The following ZNF503 variants were observed in gnomAD, a reference collection of about 807,000 sequenced individuals.
ZNF503 encodes zinc finger protein 503.
A neutral mutation model predicts 34.4 loss-of-function variants in ZNF503; 15 were observed. That is an observed-to-expected ratio of 0.44 (90% confidence interval 0.29 to 0.67). ZNF503 has a LOEUF of 0.67. ZNF503 is among the 30% of genes least tolerant of loss of function. The pLI, the probability that ZNF503 is intolerant of heterozygous loss-of-function variation, is 0.13. For synonymous variants in ZNF503, 580 were observed against 456.8 expected (o/e 1.27, Z -3.44); for missense variants, 1,007 against 926.8 (o/e 1.09, Z -1.12).
At chr10:75,340,092 T>C in the ZNF503 span, among the ~76,000 whole-genome samples, 4 of 147,930 alleles carry the variant, frequency 2.7e-5, no homozygotes, top group Non-Finnish European at 4.4e-5. Context: ...TGTGCGCCTG[T>C]AGTCGCAGCT....
chr10:75,395,399 C>G (rs1843685060), downstream of ZNF503, among the ~76,000 whole-genome samples: 1 of 152,186 alleles, frequency 6.6e-6, no homozygotes, highest in African/African-American at 2.4e-5. This position sits in a 1 kb window ranked among gnomAD's most constrained non-coding sequence, Gnocchi z 4.4. Flanking sequence ...AAAGTGGAAG[C>G]GCGGGGCCTC....
At chr10:75,394,504 G>A (rs991346822), downstream of ZNF503, among the ~76,000 whole-genome samples, 1 of 152,230 alleles carries the variant, frequency 6.6e-6, no homozygotes, top group Non-Finnish European at 1.5e-5. Flanking sequence ...CAACTTTTAC[G>A]AGTCTTCTGT....
chr10:75,360,971 G>C, the ZNF503 span: 1 of 152,158 alleles, frequency 6.6e-6, no homozygotes, highest in African/African-American at 2.4e-5. Context: ...ACCTCTCCTG[G>C]GATAATACAC....
the ZNF503 span, among the ~76,000 whole-genome samples, chr10:75,312,034 T>C: frequency 5.3e-5 from 8 of 152,086 alleles, no homozygotes; most frequent in African/African-American, 1.4e-4. Flanking sequence ...ACGCCCAGCC[T>C]GTTTCAGGAA....
downstream of ZNF503, among the ~76,000 whole-genome samples, chr10:75,395,197 G>T (rs1307711054): frequency 2.0e-5 from 3 of 152,258 alleles, no homozygotes; most frequent in Non-Finnish European, 2.9e-5. This position sits in a 1 kb window ranked among gnomAD's most constrained non-coding sequence, Gnocchi z 4.4. Context: ...GAGCCTTGAG[G>T]GTGGGAGCTC....
the ZNF503 span, among the ~76,000 whole-genome samples, chr10:75,291,462 A>G: frequency 1.3e-5 from 2 of 152,040 alleles, no homozygotes; most frequent in Admixed American, 6.6e-5. Flanking sequence ...AAACAGAAAA[A>G]TTAGCCAGGC....
chr10:75,284,322 C>T, the ZNF503 span, among the ~76,000 whole-genome samples: 2 of 149,662 alleles, frequency 1.3e-5, no homozygotes, highest in Admixed American at 6.7e-5. Flanking sequence ...ACAAACCAGC[C>T]TAAGAGAGCA....
the ZNF503 span, among the ~76,000 whole-genome samples, chr10:75,390,302 C>G: frequency 1.3e-5 from 2 of 151,832 alleles, no homozygotes; most frequent in African/African-American, 2.4e-5. Context: ...ATTTCCATCT[C>G]TCTTTCCCAA....
At chr10:75,332,483 ATT>A in the ZNF503 span, among the ~76,000 whole-genome samples, 1 of 123,328 alleles carries the variant, frequency 8.1e-6, no homozygotes, top group Non-Finnish European at 1.8e-5. Context: ...TTTTTTTTTA[ATT>A]TATTTTTTTA....
At chr10:75,396,224 G>T (rs1034432922), downstream of ZNF503, among the ~76,000 whole-genome samples, 10 of 152,194 alleles carry the variant, frequency 6.6e-5, no homozygotes, top group African/African-American at 2.4e-4. This position sits in a 1 kb window ranked among gnomAD's most constrained non-coding sequence, Gnocchi z 4.4. Flanking sequence ...GCCCAGCTCA[G>T]CCTCTCTCGG....
At chr10:75,333,016 C>T in the ZNF503 span, among the ~76,000 whole-genome samples, 10 of 144,548 alleles carry the variant, frequency 6.9e-5, no homozygotes, top group South Asian at 9.2e-4. Context: ...GGGTGGTGGC[C>T]GGGCAGAGGG....
At chr10:75,290,980 C>G in the ZNF503 span, among the ~76,000 whole-genome samples, 1 of 152,122 alleles carries the variant, frequency 6.6e-6, no homozygotes, top group Non-Finnish European at 1.5e-5. Context: ...AAAACTGCTT[C>G]CCTGTAAGGC....
the ZNF503 span, among the ~76,000 whole-genome samples, chr10:75,357,084 T>C: frequency 6.6e-6 from 1 of 152,014 alleles, no homozygotes; most frequent in South Asian, 2.1e-4. Flanking sequence ...CACTGTGGTA[T>C]AGAGAAAGAA....
the ZNF503 span, among the ~76,000 whole-genome samples, chr10:75,326,448 G>A: frequency 6.6e-6 from 1 of 152,000 alleles, no homozygotes; most frequent in African/African-American, 2.4e-5. Flanking sequence ...GGCTGGAAAT[G>A]TCTTTATTTT....
At chr10:75,340,744 A>C in the ZNF503 span, among the ~76,000 whole-genome samples, 46 of 152,288 alleles carry the variant, frequency 3.0e-4, no homozygotes, top group South Asian at 5.0e-3. Flanking sequence ...GATTACAGGC[A>C]TGCGCCACCA....
chr10:75,293,613 G>GCCC, the ZNF503 span, among the ~76,000 whole-genome samples: 5 of 151,162 alleles, frequency 3.3e-5, no homozygotes, highest in South Asian at 6.3e-4. Context: ...TTACCAGAGT[G>GCCC]CCCCCCCCGT....
chr10:75,370,976 C>G, the ZNF503 span, among the ~76,000 whole-genome samples: 1 of 152,090 alleles, frequency 6.6e-6, no homozygotes, highest in East Asian at 1.9e-4. Context: ...AAGAGATGTC[C>G]TGGCTTTCGA....
the ZNF503 span, among the ~76,000 whole-genome samples, chr10:75,342,685 T>C: frequency 1.4e-5 from 2 of 141,552 alleles, no homozygotes; most frequent in East Asian, 2.4e-4. Context: ...AGGGGGCTTG[T>C]GGGTGTGGTT....
At chr10:75,354,990 C>T in the ZNF503 span, among the ~76,000 whole-genome samples, 2 of 151,756 alleles carry the variant, frequency 1.3e-5, no homozygotes, top group South Asian at 2.1e-4. Context: ...AGGCATGTGC[C>T]ACCACGCCCA....
Sources: allele counts gnomAD v4.1 joint callset (sites outside exome capture counted in the v4.1 genomes callset), GRCh38; gene constraint gnomAD v4.1.1; non-coding constraint Gnocchi (gnomAD v3.1); transcripts MANE v1.5; gene names NCBI Gene and HGNC (gene_info 2026-07-23, HGNC 2026-07-21).